Variants in MCCC1 observed in about 807,000 individuals in gnomAD.
The protein encoded by MCCC1 is methylcrotonoyl-CoA carboxylase subunit alpha, mitochondrial.
A neutral mutation model predicts 83.8 loss-of-function variants in MCCC1; 64 were observed. The observed-to-expected ratio is 0.76, with a 90% CI of 0.62 to 0.94. The LOEUF (loss-of-function observed/expected upper bound fraction) is 0.94. Ranked by LOEUF, MCCC1 falls within the 40% of genes least tolerant of loss-of-function variation. The pLI is 0.00. For synonymous variants in MCCC1, 322 were observed against 315.4 expected, an observed-to-expected ratio of 1.02 and a Z score of -0.22; for missense variants, 807 against 904.7, an observed-to-expected ratio of 0.89 and a Z score of 1.39.
At chr3:183,102,410 A>G (rs901350516), upstream of MCCC1, among the ~76,000 whole-genome samples, 2 of 152,138 alleles carry the variant, frequency 1.3e-5, no homozygotes, top group African/African-American at 4.8e-5. Context: ...AGCATGTGAA[A>G]AGAATAACAC....
intron 18 of MCCC1, 102 bp from the exon 19 acceptor site, chr3:183,015,668 A>G (rs755186841): frequency 4.6e-5 from 65 of 1,416,196 alleles, no homozygotes; most frequent in Non-Finnish European, 6.5e-5. Context: ...ACTGTAGCCA[A>G]CTTTGATGTT....
At chr3:183,018,906 T>C (rs1711916594) in intron 17 of MCCC1, among the ~76,000 whole-genome samples, 1 of 152,220 alleles carries the variant, frequency 6.6e-6, no homozygotes, top group Non-Finnish European at 1.5e-5. Flanking sequence ...ATTTCTATTT[T>C]CTTTTGTATA....
chr3:183,063,406 AC>A (rs1364062046), intron 7 of MCCC1, among the ~76,000 whole-genome samples: 1 of 152,204 alleles, frequency 6.6e-6, no homozygotes, highest in Non-Finnish European at 1.5e-5. Flanking sequence ...TTTCAGATAC[AC>A]TAAATAGTTT....
intron 1 of MCCC1, among the ~76,000 whole-genome samples, chr3:183,110,637 G>A (rs759402746): frequency 9.2e-5 from 14 of 152,002 alleles, no homozygotes; most frequent in Admixed American, 2.0e-4. Context: ...CCCATGATCC[G>A]CCCACCTCAG....
intron 14 of MCCC1, among the ~76,000 whole-genome samples, chr3:183,031,491 C>CTTTTTTTTTTT (rs66507233): frequency 2.8e-5 from 2 of 72,698 alleles, no homozygotes; most frequent in Admixed American, 2.2e-4. Flanking sequence ...CTTCTGGCAC[C>CTTTTTTTTTTT]TTTTTTTTTT....
chr3:183,034,208 T>C, intron 13 of MCCC1, 131 bp from the exon 14 acceptor site: 1 of 667,784 alleles, frequency 1.5e-6, no homozygotes, highest in Non-Finnish European at 2.7e-6. Flanking sequence ...CCCAGCACTT[T>C]GGGAGGCCAA....
intron 9 of MCCC1, among the ~76,000 whole-genome samples, chr3:183,047,363 C>T (rs1056867428): frequency 8.5e-5 from 13 of 152,168 alleles, no homozygotes; most frequent in Non-Finnish European, 1.6e-4. Flanking sequence ...AACATGCCCC[C>T]TCCAGCCTTA....
intron 1 of MCCC1, among the ~76,000 whole-genome samples, chr3:183,109,720 G>C (rs1318018695): frequency 6.6e-6 from 1 of 152,138 alleles, no homozygotes. Flanking sequence ...GAACATATGA[G>C]TGTGTGTGTC....
chr3:183,077,790 G>A (rs1717188274), intron 4 of MCCC1, among the ~76,000 whole-genome samples: 1 of 152,058 alleles, frequency 6.6e-6, no homozygotes, highest in Non-Finnish European at 1.5e-5. Context: ...TGTTTAAGGT[G>A]TGAGGCAAGA....
chr3:183,026,930 C>T (rs1358988008), intron 14 of MCCC1, among the ~76,000 whole-genome samples: 4 of 152,188 alleles, frequency 2.6e-5, no homozygotes, highest in Admixed American at 1.3e-4. Context: ...GTTACAGGCA[C>T]ATCTCACTTT....
At chr3:183,116,089 C>T (rs1719583159), upstream of MCCC1, 1 of 153,498 alleles carries the variant, frequency 6.5e-6, no homozygotes, top group Non-Finnish European at 1.5e-5. Flanking sequence ...TGGCCACACC[C>T]CATGAAGGAC....
rs376940501 is a variant in MCCC1, at chr3:183,050,134, C to G, written c.955+2025G>C. 9.9e-5 allele frequency among the ~76,000 whole-genome samples: 15 copies of G among 151,986 alleles called. No homozygotes were observed. In the East Asian group the frequency reaches 2.7e-3, roughly 27 times the overall value. On this transcript the variant is annotated intron_variant, in intron 9 of 18. Coordinates refer to ENST00000265594, the MANE Select transcript of MCCC1 (RefSeq NM_020166.5). ...TTGGGAGGCCATGGCAGGAGGATCC[C>G]TTGGGGCCAAGAGTCTAAGACCAGC...
chr3:183,076,040 GTTTTC>G (rs1338901225), intron 4 of MCCC1, among the ~76,000 whole-genome samples: 1 of 152,120 alleles, frequency 6.6e-6, no homozygotes, highest in African/African-American at 2.4e-5. Flanking sequence ...CCTGGTTTGG[GTTTTC>G]TTTTGAGATA....
Position 183,084,345 on chromosome 3 carries a change from C to CTT in MCCC1, c.369+2347_369+2348insAA, listed in dbSNP as rs1413170640. ...GCCCATAAGATGAAGGTAATACTAC[C>CTT]ATGGCATTTATGCTTAAATACATGA... is the stretch of plus-strand genomic sequence containing the variant. On this transcript the variant is annotated intron_variant, in intron 4 of 18. Coordinates refer to ENST00000265594, the MANE Select transcript of MCCC1 (RefSeq NM_020166.5). 5.6e-4 allele frequency among the ~76,000 whole-genome samples: 85 copies of CTT among 152,266 alleles called. No individual in the cohort carries two copies. The East Asian group carries it at 0.014, about 26-fold the overall frequency.
At chr3:183,042,225 G>C (rs1298263909) in intron 10 of MCCC1, among the ~76,000 whole-genome samples, 1 of 152,152 alleles carries the variant, frequency 6.6e-6, no homozygotes, top group East Asian at 1.9e-4. Context: ...ACCAGTAAGT[G>C]GGTGATAAAG....
intron 8 of MCCC1, among the ~76,000 whole-genome samples, chr3:183,056,400 C>A (rs1384326758): frequency 6.6e-6 from 1 of 152,040 alleles, no homozygotes; most frequent in Non-Finnish European, 1.5e-5. Flanking sequence ...GCAGTAGCAA[C>A]CTCCACAGAA....
chr3:183,081,094 C>T (rs1033264075), intron 4 of MCCC1, among the ~76,000 whole-genome samples: 25 of 152,166 alleles, frequency 1.6e-4, no homozygotes, highest in African/African-American at 4.6e-4. Context: ...AAAATTCAGT[C>T]GTACACTCTG....
chr3:183,081,791 C>T (rs1037701396), intron 4 of MCCC1, among the ~76,000 whole-genome samples: 2 of 152,200 alleles, frequency 1.3e-5, no homozygotes, highest in African/African-American at 2.4e-5. Flanking sequence ...CAACTCGGCT[C>T]AACATGGCTT....
At chr3:183,051,960 A>G (rs981760815) in intron 9 of MCCC1, among the ~76,000 whole-genome samples, 199 bp downstream of exon 9, 5 of 152,236 alleles carry the variant, frequency 3.3e-5, no homozygotes, top group Admixed American at 3.3e-4. Flanking sequence ...TTAATGAAAC[A>G]TTTGTTTCAA....
Sources: allele counts gnomAD v4.1 joint callset (sites outside exome capture counted in the v4.1 genomes callset), GRCh38; gene constraint gnomAD v4.1.1; transcripts MANE v1.5; gene names NCBI Gene and HGNC (gene_info 2026-07-23, HGNC 2026-07-21).